The following OLFML2A variants were observed in gnomAD, a reference collection of about 807,000 sequenced individuals.
OLFML2A encodes the protein olfactomedin like 2A.
Under a neutral mutation model 60.9 loss-of-function variants are expected in OLFML2A, and 47 were observed. That is an observed-to-expected ratio of 0.77 (90% confidence interval 0.61 to 0.98). The LOEUF (loss-of-function observed/expected upper bound fraction) is 0.98, where lower values mean the gene tolerates loss of function less well. Ranked by LOEUF, OLFML2A falls within the 50% of genes least tolerant of loss-of-function variation. OLFML2A has a pLI of 0.00. For synonymous variants in OLFML2A, 372 were observed against 375.0 expected (o/e 0.99, Z 0.09); for missense variants, 922 against 879.8 (o/e 1.05, Z -0.61).
At chr9:124,783,850 T>C (rs1041825374) in intron 1 of OLFML2A, among the ~76,000 whole-genome samples, 7 of 152,156 alleles carry the variant, frequency 4.6e-5, no homozygotes, top group Non-Finnish European at 7.3e-5. Flanking sequence ...AGATCTCATA[T>C]TTCAGGTACT....
chr9:124,780,400 G>T (rs113624054), intron 1 of OLFML2A, among the ~76,000 whole-genome samples: 4 of 152,368 alleles, frequency 2.6e-5, no homozygotes, highest in African/African-American at 9.6e-5. Context: ...AGGGGCCCAA[G>T]GACAGAGGGA....
chr9:124,807,089 A>ATTTTT (rs151131740), intron 6 of OLFML2A, among the ~76,000 whole-genome samples: 1 of 142,428 alleles, frequency 7.0e-6, no homozygotes. Context: ...AATTAAAAAA[A>ATTTTT]TTTTTTTTTT....
At chr9:124,800,928 GT>G in intron 4 of OLFML2A, 1 of 1,542,156 alleles carries the variant, frequency 6.5e-7, no homozygotes, top group East Asian at 2.5e-5. Flanking sequence ...GGACTTGAGG[GT>G]TTTTCCAGGA....
intron 1 of OLFML2A, among the ~76,000 whole-genome samples, chr9:124,784,119 A>T (rs2131243100): frequency 6.6e-6 from 1 of 152,248 alleles, no homozygotes; most frequent in East Asian, 1.9e-4. Flanking sequence ...GTATCAACTC[A>T]CATGGGCCTT....
intron 2 of OLFML2A, among the ~76,000 whole-genome samples, chr9:124,791,794 T>C (rs1841573632): frequency 6.7e-6 from 1 of 148,252 alleles, no homozygotes; most frequent in Non-Finnish European, 1.5e-5. Flanking sequence ...ATACACAGGA[T>C]AAATCTAGTG....
At chr9:124,793,448 C>T (rs552704404) in intron 2 of OLFML2A, among the ~76,000 whole-genome samples, 72 of 152,284 alleles carry the variant, frequency 4.7e-4, no homozygotes, top group Admixed American at 6.5e-4. Flanking sequence ...GCCATTTCCC[C>T]GTCTGACCAT....
intron 1 of OLFML2A, among the ~76,000 whole-genome samples, chr9:124,778,293 G>C (rs971010625): frequency 6.6e-6 from 1 of 151,596 alleles, no homozygotes; most frequent in Non-Finnish European, 1.5e-5. Flanking sequence ...CCCGGGAGGC[G>C]GAGCTTGCAG....
At chr9:124,808,368 G>T (rs891485468) in intron 7 of OLFML2A, among the ~76,000 whole-genome samples, 1 of 152,220 alleles carries the variant, frequency 6.6e-6, no homozygotes, top group Non-Finnish European at 1.5e-5. Flanking sequence ...CTGTTTTATA[G>T]GTGCGCAGTG....
intron 7 of OLFML2A, among the ~76,000 whole-genome samples, chr9:124,808,180 G>A (rs943164450): frequency 2.0e-5 from 3 of 152,256 alleles, no homozygotes; most frequent in Non-Finnish European, 4.4e-5. Flanking sequence ...CTAGCACCCT[G>A]CCAGGAACCA....
chr9:124,782,666 T>A (rs1841382586), intron 1 of OLFML2A, among the ~76,000 whole-genome samples: 1 of 152,176 alleles, frequency 6.6e-6, no homozygotes, highest in African/African-American at 2.4e-5. Context: ...AGGGGGACCC[T>A]GCCTGGGTGC....
Position 124,795,064 on chromosome 9 carries a change from G to A in OLFML2A, c.395G>A (p.Ser132Asn). 6.2e-7 allele frequency: 1 copy of A among 1,609,326 alleles called. No homozygotes were observed. Among genetic ancestry groups the A allele is most frequent in the African/African-American group, 1.3e-5 (1 of 75,028 alleles). Reference sequence around the variant, plus strand: ...GATCTCCTGGAGGGCACCCTGTACAGCATGGACTTGATGAAGGTGCACGCC... The same window carrying A: ...GATCTCCTGGAGGGCACCCTGTACAACATGGACTTGATGAAGGTGCACGCC... ...MVDLLEGTLY[S>N]MDLMKVHAYV... Residue 132 changes from serine (S) to asparagine (N), a missense_variant, in exon 3 of 8, where the codon AGC becomes AAC. By Grantham distance (46) the Ser-to-Asn change is conservative. Coordinates refer to ENST00000373580, the MANE Select transcript of OLFML2A (RefSeq NM_182487.4).
chr9:124,805,422 C>T (rs1000756558), intron 6 of OLFML2A, among the ~76,000 whole-genome samples: 18 of 152,130 alleles, frequency 1.2e-4, no homozygotes, highest in South Asian at 4.1e-4. Context: ...AGCTGTCCAC[C>T]GGCCTGGCAG....
chr9:124,789,354 C>A (rs1163177802), intron 2 of OLFML2A, among the ~76,000 whole-genome samples: 1 of 152,188 alleles, frequency 6.6e-6, no homozygotes, highest in Non-Finnish European at 1.5e-5. Flanking sequence ...AGTTAGCCTG[C>A]CAGTTTCATG....
At position 124,779,531 on chromosome 9, in the gene OLFML2A, TTG is replaced by T. The variant is rs547661169; in HGVS notation, c.90+2184_90+2185del. On this transcript the variant is annotated intron_variant, in intron 1 of 7. Coordinates refer to ENST00000373580, the MANE Select transcript of OLFML2A (RefSeq NM_182487.4). The surrounding 1 kb of genome is among the most constrained non-coding windows in gnomAD (Gnocchi z 4.1). ...GTGAGTCAGCCAAACACTTGCTAGG[TTG>T]TGTGTGTGTGTGGTGGGGGGGGGGT... Among the ~76,000 whole-genome samples, 6 of 133,414 alleles carry T rather than the reference TTG, an allele frequency of 4.5e-5. No homozygotes were observed. The highest frequency in any genetic ancestry group is 7.8e-5 in the Admixed American group (1 of 12,758). The allele number at this position is 133,414 out of a possible 152,430, so 87.5% of individuals were successfully genotyped here. A position where few individuals can be genotyped will look rare whatever the true frequency, so the allele number is the denominator to read the frequency against.
Position 124,810,121 on chromosome 9 carries a change from C to A in OLFML2A, c.1668C>A (p.Gly556=). The stretch of plus-strand genomic sequence containing the variant: ...TCGTCCTGAGTCGCTTGGACCCCGG[C>A]GATCTCTCCGTGCACCGGGAGACCA... The part of the protein sequence containing the change: ...EVIVLSRLDP[G]DLSVHRETTW... Residue 556 remains glycine (G), a synonymous_variant, in exon 8 of 8, where the codon GGC becomes GGA. Coordinates refer to ENST00000373580, the MANE Select transcript of OLFML2A (RefSeq NM_182487.4). 1 of 1,613,770 alleles carries A rather than the reference C, an allele frequency of 6.2e-7. No homozygotes were observed. Among genetic ancestry groups the A allele is most frequent in the Non-Finnish European group, 8.5e-7 (1 of 1,180,002 alleles).
At chr9:124,797,573 T>C (rs888798378) in intron 3 of OLFML2A, among the ~76,000 whole-genome samples, 4 of 152,216 alleles carry the variant, frequency 2.6e-5, no homozygotes, top group Non-Finnish European at 4.4e-5. Context: ...TCTGTAACAA[T>C]TTCTACAAAT....
Position 124,807,768 on chromosome 9 carries a change from C to T in OLFML2A, c.1169-13C>T, listed in dbSNP as rs1841926574. On this transcript the variant is annotated splice_polypyrimidine_tract_variant and intron_variant, in intron 6 of 7. Transcript: ENST00000373580. ...GGTCTGTGTACCGATGCTGCCTGCC[C>T]TCCTCCCCACAGGCAGAGAGGCGAG... 3 of 1,603,786 alleles carry T rather than the reference C, an allele frequency of 1.9e-6. No individual in the cohort carries two copies. The highest frequency in any genetic ancestry group is 1.7e-5 in the Admixed American group (1 of 59,150).
chr9:124,798,932 C>T (rs138294448), intron 3 of OLFML2A, among the ~76,000 whole-genome samples: 271 of 152,060 alleles, frequency 1.8e-3, no homozygotes, highest in Middle Eastern at 6.8e-3. Flanking sequence ...CATGTGTTCC[C>T]GTAAATATAC....
intron 2 of OLFML2A, among the ~76,000 whole-genome samples, chr9:124,790,849 G>A (rs529929163): frequency 6.9e-4 from 105 of 152,314 alleles, no homozygotes; most frequent in African/African-American, 2.2e-3. Flanking sequence ...GAGCCCACAG[G>A]ATGGGGCTGG....
Sources: allele counts gnomAD v4.1 joint callset (sites outside exome capture counted in the v4.1 genomes callset), GRCh38; gene constraint gnomAD v4.1.1; non-coding constraint Gnocchi (gnomAD v3.1); transcripts MANE v1.5; gene names NCBI Gene and HGNC (gene_info 2026-07-23, HGNC 2026-07-21).